The following ARHGEF28 variants were observed in gnomAD, a reference collection of about 807,000 sequenced individuals.
ARHGEF28 encodes the protein Rho guanine nucleotide exchange factor 28, also known as 190 kDa guanine nucleotide exchange factor.
ARHGEF28 carries 152 observed loss-of-function variants against 206.6 expected under a neutral mutation model. The observed-to-expected ratio is 0.74, with a 90% CI of 0.64 to 0.84. The LOEUF (loss-of-function observed/expected upper bound fraction) is 0.84, where lower values mean the gene tolerates loss of function less well. Among genes scored for constraint, ARHGEF28 ranks in the 40% least tolerant of loss-of-function variants. ARHGEF28 has a pLI of 0.00. For synonymous variants in ARHGEF28, 763 were observed against 776.4 expected, an observed-to-expected ratio of 0.98 and a Z score of 0.29; for missense variants, 2,028 against 2,073.2, an observed-to-expected ratio of 0.98 and a Z score of 0.42.
intron 9 of ARHGEF28, among the ~76,000 whole-genome samples, chr5:73,828,523 C>T (rs1757056254): frequency 6.6e-6 from 1 of 152,114 alleles, no homozygotes; most frequent in Non-Finnish European, 1.5e-5. Flanking sequence ...GACTTACTGT[C>T]TCGGTGGAGC....
chr5:73,641,404 CTT>C (rs34541531), intron 1 of ARHGEF28, among the ~76,000 whole-genome samples: 20 of 70,516 alleles, frequency 2.8e-4, no homozygotes, highest in Non-Finnish European at 3.4e-4. Flanking sequence ...AGGGGAAAGG[CTT>C]TTTTTTTTTT....
intron 1 of ARHGEF28, among the ~76,000 whole-genome samples, chr5:73,682,048 C>T (rs1747139154): frequency 2.0e-5 from 3 of 152,176 alleles, no homozygotes; most frequent in Admixed American, 2.0e-4. Flanking sequence ...TGTGCTGCTG[C>T]ATTCCAGCCT....
At position 73,749,952 on chromosome 5, in the gene ARHGEF28, T is replaced by C. The variant is rs1418713827; in HGVS notation, c.149T>C (p.Ile50Thr). The stretch of plus-strand genomic sequence containing the variant: ...CGACATGTCATGATTGCAGAGCGCA[T>C]CGAGGATAACGTTCTCCAGTCCAGC... ...HQRHVMIAER[I>T]EDNVLQSSVP... Residue 50 changes from isoleucine (I) to threonine (T), a missense_variant, in exon 3 of 36, where the codon ATC (isoleucine) becomes ACC (threonine). Ile to Thr is a moderately conservative substitution (Grantham distance 89). Transcript: ENST00000513042. 1 of 1,613,878 alleles carries C rather than the reference T, an allele frequency of 6.2e-7. No individual in the cohort carries two copies. The highest frequency in any genetic ancestry group is 2.2e-5 in the East Asian group (1 of 44,892).
Position 73,909,914 on chromosome 5 carries a change from G to T in ARHGEF28, c.4647+17G>T. 6.7e-7 allele frequency: 1 copy of T among 1,486,778 alleles called. No individual in the cohort carries two copies. The highest frequency in any genetic ancestry group is 8.9e-7 in the Non-Finnish European group (1 of 1,127,456). 92.1% of individuals were successfully genotyped at this position (1,486,778 alleles called of 1,614,324 possible). ...GGCCCCGAGGTATGGACCTTCTGCGGTGCTGTGAGGCAGCCTCTCAAAGAC... is the reference window on the plus strand; with the variant it reads ...GGCCCCGAGGTATGGACCTTCTGCGTTGCTGTGAGGCAGCCTCTCAAAGAC... On this transcript the variant is annotated intron_variant, in intron 34 of 35. Transcript: ENST00000513042.
chr5:73,752,385 A>G (rs957361867), intron 3 of ARHGEF28, among the ~76,000 whole-genome samples: 14 of 152,264 alleles, frequency 9.2e-5, no homozygotes, highest in Non-Finnish European at 1.3e-4. Flanking sequence ...ATATGTATAT[A>G]TATATTTTCC....
intron 2 of ARHGEF28, among the ~76,000 whole-genome samples, chr5:73,733,962 G>A (rs909381512): frequency 1.3e-5 from 2 of 152,024 alleles, no homozygotes; most frequent in African/African-American, 4.8e-5. Flanking sequence ...AGAGAGCAAA[G>A]GGGGACACGT....
intron 24 of ARHGEF28, 69 bp from the exon 25 acceptor site, chr5:73,885,781 A>G: frequency 2.1e-6 from 3 of 1,435,966 alleles, no homozygotes; most frequent in Non-Finnish European, 2.8e-6. Context: ...CTAAAGAAGA[A>G]GTTTTCTTCC....
At chr5:73,869,993 C>A (rs1333197091) in intron 20 of ARHGEF28, 76 bp from the exon 21 acceptor site, 3 of 1,505,692 alleles carry the variant, frequency 2.0e-6, no homozygotes, top group Non-Finnish European at 1.8e-6. Flanking sequence ...GGTGAGGAAT[C>A]CATAGACAAA....
At chr5:73,869,247 A>T (rs1759923247) in intron 20 of ARHGEF28, among the ~76,000 whole-genome samples, 1 of 148,704 alleles carries the variant, frequency 6.7e-6, no homozygotes, top group African/African-American at 2.5e-5. Flanking sequence ...AAGGGCATGT[A>T]TGTATGTGTG....
At chr5:73,756,179 T>C (rs1352646695) in intron 4 of ARHGEF28, among the ~76,000 whole-genome samples, 1 of 152,220 alleles carries the variant, frequency 6.6e-6, no homozygotes, top group Non-Finnish European at 1.5e-5. Context: ...AATTAGATAA[T>C]GTATGGCAAG....
At chr5:73,755,944 T>C (rs761049201) in intron 4 of ARHGEF28, among the ~76,000 whole-genome samples, 14 of 152,354 alleles carry the variant, frequency 9.2e-5, no homozygotes, top group Non-Finnish European at 1.3e-4. Context: ...TATATGTATT[T>C]TCATGAGAGA....
At position 73,912,699 on chromosome 5, in the gene ARHGEF28, A is replaced by G. The variant is rs778654230; in HGVS notation, c.4948+1124A>G. On this transcript the variant is annotated intron_variant, in intron 35 of 35. Transcript: ENST00000513042. ...GATATTCTTTAGGTAAAGAAAAAAT[A>G]TGATGGAATCGTTCAGATTAAATAA... Among the ~76,000 whole-genome samples, 41 of 152,358 alleles carry G rather than the reference A, an allele frequency of 2.7e-4. No individual in the cohort carries two copies. The Middle Eastern group carries it at 0.01, about 38-fold the overall frequency.
At chr5:73,834,357 A>C (rs778632668) in intron 10 of ARHGEF28, among the ~76,000 whole-genome samples, 6 of 152,154 alleles carry the variant, frequency 3.9e-5, no homozygotes, top group African/African-American at 1.4e-4. Flanking sequence ...TCCAACCCCT[A>C]GTAAGCACTC....
At chr5:73,915,303 T>A (rs1387582353) in intron 35 of ARHGEF28, among the ~76,000 whole-genome samples, 1 of 152,258 alleles carries the variant, frequency 6.6e-6, no homozygotes. Context: ...AGGGATATTT[T>A]CTTAAAAATA....
chr5:73,736,419 T>C (rs1402010412), intron 2 of ARHGEF28, among the ~76,000 whole-genome samples: 1 of 152,182 alleles, frequency 6.6e-6, no homozygotes, highest in African/African-American at 2.4e-5. Context: ...CATTTACCTC[T>C]CGAAGTCTCT....
intron 1 of ARHGEF28, among the ~76,000 whole-genome samples, chr5:73,648,690 G>T (rs1744599304): frequency 6.6e-6 from 1 of 152,132 alleles, no homozygotes; most frequent in African/African-American, 2.4e-5. Context: ...TACCTTTCCT[G>T]GGCTGGCCCC....
intron 2 of ARHGEF28, among the ~76,000 whole-genome samples, chr5:73,725,455 C>T (rs1269520832): frequency 6.6e-6 from 1 of 152,056 alleles, no homozygotes; most frequent in Non-Finnish European, 1.5e-5. Context: ...TTATTTTTTC[C>T]CTTGGATAAA....
At chr5:73,689,934 G>A (rs1747710197) in intron 2 of ARHGEF28, among the ~76,000 whole-genome samples, 2 of 152,182 alleles carry the variant, frequency 1.3e-5, no homozygotes, top group East Asian at 1.9e-4. Flanking sequence ...AAAAGGGTAA[G>A]TTAGAATCAG....
At chr5:73,732,425 G>T (rs1750675230) in intron 2 of ARHGEF28, among the ~76,000 whole-genome samples, 1 of 151,536 alleles carries the variant, frequency 6.6e-6, no homozygotes, top group Admixed American at 6.6e-5. Flanking sequence ...AATGCTGAAT[G>T]CTAACGCTAA....
Sources: gnomAD v4.1 joint callset for allele counts (sites outside exome capture counted in the v4.1 genomes callset) on GRCh38, gnomAD v4.1.1 for gene constraint, MANE v1.5 for transcripts, NCBI Gene and HGNC (gene_info 2026-07-23, HGNC 2026-07-21) for gene names.